Variants in PTPRN2 observed in about 807,000 individuals in gnomAD.
PTPRN2 encodes protein tyrosine phosphatase receptor type N2, also known as receptor-type tyrosine-protein phosphatase N2.
Under a neutral mutation model 118.8 loss-of-function variants are expected in PTPRN2, and 74 were observed. That is an observed-to-expected ratio of 0.62 (90% CI 0.52 to 0.76). PTPRN2 has a LOEUF of 0.76. Among genes scored for constraint, PTPRN2 ranks in the 30% least tolerant of loss-of-function variants. The pLI, the probability that PTPRN2 is intolerant of heterozygous loss-of-function variation, is 0.00. For synonymous variants in PTPRN2, 641 were observed against 608.0 expected (o/e 1.05, Z -0.80); for missense variants, 1,481 against 1,394.4 (o/e 1.06, Z -0.99).
At chr7:158,209,207 A>G (rs1469445386) in intron 3 of PTPRN2, among the ~76,000 whole-genome samples, 1 of 152,192 alleles carries the variant, frequency 6.6e-6, no homozygotes, top group African/African-American at 2.4e-5. Flanking sequence ...CTTACCTATC[A>G]ATAATAACAA....
chr7:158,142,513 C>G (rs867204820), intron 6 of PTPRN2, among the ~76,000 whole-genome samples: 1 of 152,184 alleles, frequency 6.6e-6, no homozygotes. Context: ...TGAAACCTGC[C>G]GTTTAAAACA....
chr7:157,746,068 C>T (rs1800911176), intron 12 of PTPRN2, among the ~76,000 whole-genome samples: 1 of 150,712 alleles, frequency 6.6e-6, no homozygotes, highest in Middle Eastern at 3.6e-3. Flanking sequence ...CACAGGACTC[C>T]CTACACCCCA....
chr7:157,741,202 G>T (rs936200945), intron 12 of PTPRN2, among the ~76,000 whole-genome samples: 3 of 152,176 alleles, frequency 2.0e-5, no homozygotes, highest in Admixed American at 2.0e-4. Flanking sequence ...CACCTTTCCT[G>T]GGACTTGATT....
intron 10 of PTPRN2, among the ~76,000 whole-genome samples, chr7:158,100,134 G>T (rs1359463145): frequency 2.0e-5 from 3 of 151,760 alleles, no homozygotes; most frequent in African/African-American, 7.3e-5. Flanking sequence ...TATGATGTTT[G>T]GTTTTCCATT....
At chr7:157,555,060 G>C (rs145939912) in intron 21 of PTPRN2, among the ~76,000 whole-genome samples, 6 of 149,640 alleles carry the variant, frequency 4.0e-5, no homozygotes, top group African/African-American at 1.3e-4. Flanking sequence ...GGACACCCAG[G>C]AAGACCCACC....
At chr7:158,065,190 C>G (rs919566319) in intron 11 of PTPRN2, among the ~76,000 whole-genome samples, 5 of 152,216 alleles carry the variant, frequency 3.3e-5, no homozygotes, top group Admixed American at 6.5e-5. Context: ...CCATGCAGTT[C>G]ACCAGGAACA....
chr7:157,777,281 C>T (rs978461300), intron 12 of PTPRN2, among the ~76,000 whole-genome samples: 12 of 152,240 alleles, frequency 7.9e-5, no homozygotes, highest in Admixed American at 2.6e-4. Context: ...ACGCCCATGT[C>T]GGTCGCTGAG....
At chr7:158,293,594 C>T (rs943621875) in intron 3 of PTPRN2, among the ~76,000 whole-genome samples, 1 of 152,018 alleles carries the variant, frequency 6.6e-6, no homozygotes, top group African/African-American at 2.4e-5. Flanking sequence ...AAAATAGTAA[C>T]TTGTGTACTT....
At chr7:158,009,517 T>C (rs1456751901) in intron 11 of PTPRN2, among the ~76,000 whole-genome samples, 2 of 152,158 alleles carry the variant, frequency 1.3e-5, no homozygotes, top group Non-Finnish European at 2.9e-5. Flanking sequence ...ATTAAAAATA[T>C]AATAGATAAA....
intron 11 of PTPRN2, among the ~76,000 whole-genome samples, chr7:157,972,120 C>T (rs895291056): frequency 1.3e-5 from 2 of 152,170 alleles, no homozygotes; most frequent in Admixed American, 1.3e-4. Context: ...ATTTGGCTAT[C>T]AAGGCAGAAG....
At chr7:157,757,095 TAA>T (rs1030066710) in intron 12 of PTPRN2, among the ~76,000 whole-genome samples, 13 of 151,930 alleles carry the variant, frequency 8.6e-5, no homozygotes, top group African/African-American at 2.2e-4. Flanking sequence ...GCTCACAAGA[TAA>T]AAGTTTTTTT....
At chr7:158,249,510 T>C (rs1390580072) in intron 3 of PTPRN2, among the ~76,000 whole-genome samples, 6 of 133,042 alleles carry the variant, frequency 4.5e-5, no homozygotes, top group Non-Finnish European at 9.3e-5. Context: ...TGCACATGCA[T>C]CACACACATG....
At chr7:158,466,979 TGC>T (rs1192467399) in intron 2 of PTPRN2, among the ~76,000 whole-genome samples, 3 of 152,224 alleles carry the variant, frequency 2.0e-5, no homozygotes, top group African/African-American at 7.2e-5. Context: ...AGGCAGAGGT[TGC>T]AGTGAGCTGA....
At chr7:158,315,568 G>A (rs1385775668) in intron 3 of PTPRN2, among the ~76,000 whole-genome samples, 1 of 152,228 alleles carries the variant, frequency 6.6e-6, no homozygotes, top group African/African-American at 2.4e-5. Flanking sequence ...AAGAACAGAG[G>A]TGATTGGAAA....
Position 157,576,685 on chromosome 7 carries a change from G to A in PTPRN2, c.2711C>T (p.Thr904Met). 6.2e-7 allele frequency: 1 copy of A among 1,611,858 alleles called. No individual in the cohort carries two copies. Among genetic ancestry groups the A allele is most frequent in the African/African-American group, 1.3e-5 (1 of 75,002 alleles). Residue 904 changes from threonine to methionine, a missense_variant, in exon 19 of 23, where the codon ACG (threonine) becomes ATG (methionine). This residue lies in a region of PTPRN2 where 362 missense variants were observed against 384.1 expected (regional missense o/e 0.94). Transcript: ENST00000389418. ...ATACCAACTCAGGAAGTGGAACTGC[G>A]TCACGGTGCGCGTCTCGTTGGTCTG... ...NLQTNETRTV[T>M]QFHFLSWYDR...
At chr7:158,128,653 G>C (rs967295192) in intron 9 of PTPRN2, among the ~76,000 whole-genome samples, 1 of 152,166 alleles carries the variant, frequency 6.6e-6, no homozygotes, top group Non-Finnish European at 1.5e-5. Context: ...GAGCCCATTA[G>C]CAGCAATGGC....
At chr7:157,810,439 C>T (rs114494288) in intron 12 of PTPRN2, among the ~76,000 whole-genome samples, 2,959 of 149,590 alleles carry the variant, frequency 0.02, 88 homozygotes, top group African/African-American at 0.066. Flanking sequence ...TCCACGGGGA[C>T]GGCGGGGCTG....
At chr7:158,374,703 A>C (rs1810368030) in intron 2 of PTPRN2, among the ~76,000 whole-genome samples, 1 of 152,212 alleles carries the variant, frequency 6.6e-6, no homozygotes, top group Non-Finnish European at 1.5e-5. Flanking sequence ...CAGAAATTAA[A>C]GAATGCCCTG....
chr7:157,761,843 C>T (rs1585401394), intron 12 of PTPRN2, among the ~76,000 whole-genome samples: 4 of 151,848 alleles, frequency 2.6e-5, no homozygotes, highest in African/African-American at 9.7e-5. Context: ...ATTTTTGCAA[C>T]CTACTCATCT....
Sources: allele counts gnomAD v4.1 joint callset (sites outside exome capture counted in the v4.1 genomes callset), GRCh38; gene constraint gnomAD v4.1.1; regional missense constraint gnomAD v4.1.1; transcripts MANE v1.5; gene names NCBI Gene and HGNC (gene_info 2026-07-23, HGNC 2026-07-21).